The following IMMP2L variants were observed in gnomAD, a reference collection of about 807,000 sequenced individuals.
The protein encoded by IMMP2L is inner mitochondrial membrane peptidase subunit 2, also known as mitochondrial inner membrane protease subunit 2.
In IMMP2L, 18 loss-of-function variants were observed where a neutral mutation model predicts 19.3. That is an observed-to-expected ratio of 0.93 (90% CI 0.64 to 1.38). The LOEUF (loss-of-function observed/expected upper bound fraction) is 1.38, where lower values mean the gene tolerates loss of function less well. Ranked by LOEUF, IMMP2L falls within the 40% of genes most tolerant of loss-of-function variation. The probability of loss-of-function intolerance (pLI) is 0.00; values close to 1 mark genes in which losing one functional copy is unlikely to be tolerated. For synonymous variants in IMMP2L, 76 were observed against 73.0 expected (o/e 1.04, Z -0.21); for missense variants, 233 against 218.2 (o/e 1.07, Z -0.43).
chr7:110,885,120 C>A (rs571655157), intron 5 of IMMP2L, among the ~76,000 whole-genome samples: 2 of 151,986 alleles, frequency 1.3e-5, no homozygotes, highest in African/African-American at 4.8e-5. Context: ...TTAACTTATA[C>A]AAGTTGAATA....
chr7:111,488,572 G>A lies in IMMP2L; in HGVS notation c.136-1231C>T, dbSNP rs148835988. Among the ~76,000 whole-genome samples, 43 of 152,074 alleles carry A rather than the reference G, an allele frequency of 2.8e-4. 1 individual carries two copies. The highest frequency in any genetic ancestry group is 9.6e-4 in the African/African-American group (40 of 41,472). ...CACACCACATTTTCTTTATCCACTC[G>A]TTGACTGATGGGCATTTGGGCTGGT... On this transcript the variant is annotated intron_variant, in intron 2 of 5. Coordinates refer to ENST00000405709, the MANE Select transcript of IMMP2L (RefSeq NM_032549.4).
chr7:111,110,294 C>T (rs1175515941), intron 3 of IMMP2L, among the ~76,000 whole-genome samples: 2 of 152,112 alleles, frequency 1.3e-5, no homozygotes. Context: ...TGATAGGAAT[C>T]AGTCATTAAA....
intron 3 of IMMP2L, among the ~76,000 whole-genome samples, chr7:111,150,631 C>T (rs1024808930): frequency 6.6e-6 from 1 of 152,134 alleles, no homozygotes; most frequent in African/African-American, 2.4e-5. Flanking sequence ...TTCCTCCAAG[C>T]ACTCAAAATA....
At chr7:111,187,882 G>A (rs192104006) in intron 3 of IMMP2L, among the ~76,000 whole-genome samples, 134 of 152,188 alleles carry the variant, frequency 8.8e-4, no homozygotes, top group African/African-American at 3.2e-3. Flanking sequence ...GAGGCCTTAA[G>A]TACGTCAAAA....
intron 5 of IMMP2L, among the ~76,000 whole-genome samples, chr7:110,789,931 A>C (rs1187680315): frequency 1.3e-5 from 2 of 151,648 alleles, no homozygotes; most frequent in African/African-American, 4.9e-5. Context: ...TATTCTCTAA[A>C]CACTTTCCAT....
chr7:110,992,740 A>C (rs1214299784), intron 3 of IMMP2L, among the ~76,000 whole-genome samples: 1 of 152,088 alleles, frequency 6.6e-6, no homozygotes, highest in Non-Finnish European at 1.5e-5. Context: ...AAATGTATCA[A>C]AACTCTTAGC....
intron 4 of IMMP2L, 35 bp from the exon 5 acceptor site, chr7:110,886,730 T>C (rs1184248951): frequency 6.0e-6 from 6 of 997,772 alleles, no homozygotes; most frequent in South Asian, 2.6e-5. Flanking sequence ...GAGATATGAG[T>C]AGAAAAGAGA....
At chr7:111,480,460 C>A (rs1842082725) in intron 3 of IMMP2L, among the ~76,000 whole-genome samples, 1 of 151,662 alleles carries the variant, frequency 6.6e-6, no homozygotes, top group Non-Finnish European at 1.5e-5. Flanking sequence ...AATAATAATA[C>A]CTATACTATC....
chr7:111,067,790 T>C (rs1003552865), intron 3 of IMMP2L, among the ~76,000 whole-genome samples: 2 of 152,246 alleles, frequency 1.3e-5, no homozygotes, highest in East Asian at 1.9e-4. Flanking sequence ...AATGGCCAAG[T>C]ATATGCTCTT....
chr7:111,310,274 A>AT lies in IMMP2L; in HGVS notation c.239+176963dup, dbSNP rs113757324. On this transcript the variant is annotated intron_variant, in intron 3 of 5. Coordinates refer to ENST00000405709, the MANE Select transcript of IMMP2L (RefSeq NM_032549.4). ...TAAGACTTTTGAGTTCACATGCTTA[A>AT]TTTTTTTTTTTTTAATTCTGAGACT... 1.0e-3 allele frequency among the ~76,000 whole-genome samples: 147 copies of AT among 146,680 alleles called. 1 individual carries two copies. The highest frequency in any genetic ancestry group is 8.3e-3 in the East Asian group (42 of 5,068).
In IMMP2L at chr7:111,504,028, A is replaced by T. The variant is rs573875287; in HGVS notation, c.136-16687T>A. On this transcript the variant is annotated intron_variant, in intron 2 of 5. Transcript: ENST00000405709. Reference sequence around the variant, plus strand: ...TTCAATTAGGAAAAGAGGAAGTCAAATTGTCCCTGTTTGCAGATGACATGA... The same window carrying T: ...TTCAATTAGGAAAAGAGGAAGTCAATTTGTCCCTGTTTGCAGATGACATGA... 5.8e-4 allele frequency among the ~76,000 whole-genome samples: 89 copies of T among 152,244 alleles called. 1 individual carries two copies. The South Asian group carries it at 0.018, about 31-fold the overall frequency.
At chr7:110,691,071 T>C (rs553296430) in intron 5 of IMMP2L, among the ~76,000 whole-genome samples, 8 of 152,236 alleles carry the variant, frequency 5.3e-5, no homozygotes, top group Admixed American at 2.0e-4. Flanking sequence ...CTTCAAATTA[T>C]ACTACAAGGC....
intron 5 of IMMP2L, among the ~76,000 whole-genome samples, chr7:110,781,740 C>T (rs1011468021): frequency 1.3e-5 from 2 of 151,714 alleles, no homozygotes; most frequent in African/African-American, 4.8e-5. Flanking sequence ...AAACTATTAA[C>T]AACAGACTGT....
intron 3 of IMMP2L, among the ~76,000 whole-genome samples, chr7:111,294,236 T>C (rs754423506): frequency 5.3e-5 from 8 of 151,844 alleles, no homozygotes; most frequent in Non-Finnish European, 1.0e-4. Context: ...CAAAAGTATA[T>C]TGATTTGAGA....
chr7:111,346,286 T>C (rs1827553591), intron 3 of IMMP2L, among the ~76,000 whole-genome samples: 1 of 152,134 alleles, frequency 6.6e-6, no homozygotes, highest in Admixed American at 6.6e-5. Context: ...AGTCAGGAAT[T>C]GAACCCATGT....
At chr7:111,141,440 C>T (rs214847) in intron 3 of IMMP2L, among the ~76,000 whole-genome samples, 15,915 of 147,470 alleles carry the variant, frequency 0.11, 2,003 homozygotes, top group African/African-American at 0.31. Context: ...ACATTTCTTT[C>T]TTTTTTTTTT....
At chr7:111,059,825 T>C (rs1287500773) in intron 3 of IMMP2L, among the ~76,000 whole-genome samples, 2 of 151,804 alleles carry the variant, frequency 1.3e-5, no homozygotes, top group African/African-American at 4.8e-5. Flanking sequence ...CTACATGCCA[T>C]AAGAAGGTAC....
At chr7:110,702,443 T>C (rs900004104) in intron 5 of IMMP2L, among the ~76,000 whole-genome samples, 1 of 152,182 alleles carries the variant, frequency 6.6e-6, no homozygotes, top group Non-Finnish European at 1.5e-5. Flanking sequence ...TGGCTAACAT[T>C]AACCATGAAT....
intron 3 of IMMP2L, among the ~76,000 whole-genome samples, chr7:111,426,995 C>A (rs1048139520): frequency 6.6e-6 from 1 of 151,050 alleles, no homozygotes; most frequent in Admixed American, 6.6e-5. Context: ...GTTACAAAGT[C>A]CTAACTCATA....
Sources: gnomAD v4.1 joint callset for allele counts (sites outside exome capture counted in the v4.1 genomes callset) on GRCh38, gnomAD v4.1.1 for gene constraint, MANE v1.5 for transcripts, NCBI Gene and HGNC (gene_info 2026-07-23, HGNC 2026-07-21) for gene names.